The following RNF157 variants were observed in gnomAD, a reference collection of about 807,000 sequenced individuals.
RNF157 encodes E3 ubiquitin ligase RNF157.
A neutral mutation model predicts 88.3 loss-of-function variants in RNF157; 55 were observed. The ratio of observed to expected loss-of-function variants is 0.62; its 90% CI spans 0.50 to 0.78. The LOEUF (loss-of-function observed/expected upper bound fraction) is 0.78, where lower values mean the gene tolerates loss of function less well. Among genes scored for constraint, RNF157 ranks in the 30% least tolerant of loss-of-function variants. The pLI is 0.00. For missense variants in RNF157, 788 were observed against 860.8 expected (o/e 0.92, Z 1.06); for synonymous variants, 334 against 341.2 (o/e 0.98, Z 0.23).
At chr17:76,196,287 T>C (rs768129802) in intron 2 of RNF157, among the ~76,000 whole-genome samples, 8 of 152,200 alleles carry the variant, frequency 5.3e-5, no homozygotes, top group Non-Finnish European at 8.8e-5. Flanking sequence ...AAAGAGCAAA[T>C]TGAACACAGT....
rs1364739639 is a variant in RNF157 at position 76,158,418 on chromosome 17, C to A, written c.1388G>T (p.Arg463Ile). ...CSESETQLSQ[R>I]PSVQHLGEEC... ...CTCTCCGAGATGCTGAACCGACGGTCTCTGAGAGAGCTGTGTCTCCGACTC... is the reference window on the plus strand; with the variant it reads ...CTCTCCGAGATGCTGAACCGACGGTATCTGAGAGAGCTGTGTCTCCGACTC... The change falls in exon 13 of 19, where the codon AGA becomes ATA. Residue 463 changes from arginine to isoleucine, a missense_variant. Transcript: ENST00000269391. 6.2e-7 allele frequency: 1 copy of A among 1,613,432 alleles called. No homozygotes were observed. Among genetic ancestry groups the A allele is most frequent in the African/African-American group, 1.3e-5 (1 of 74,888 alleles).
At chr17:76,239,821 C>T (rs867811197) in intron 1 of RNF157, among the ~76,000 whole-genome samples, 2 of 152,118 alleles carry the variant, frequency 1.3e-5, no homozygotes, top group Middle Eastern at 3.2e-3. Context: ...GCCTACGACG[C>T]CGCAGCCCCG....
At position 76,176,723 on chromosome 17, in the gene RNF157, G is replaced by A. The variant is rs1015422236; in HGVS notation, c.208-2933C>T. Among the ~76,000 whole-genome samples the A allele has an allele frequency of 2.6e-5, 4 of 152,202 alleles. No homozygotes were observed. The highest frequency in any genetic ancestry group is 4.8e-5 in the African/African-American group (2 of 41,460). The stretch of plus-strand genomic sequence containing the variant: ...GAGCAGCGTGGCAGAAGAGCAGCGC[G>A]GTAGGGCAAAGAGGAGCCCCGAGGC... On this transcript the variant is annotated intron_variant, in intron 2 of 18. Coordinates refer to ENST00000269391, the MANE Select transcript of RNF157 (RefSeq NM_052916.3). This position sits in a 1 kb window ranked among gnomAD's most constrained non-coding sequence, Gnocchi z 4.2.
intron 7 of RNF157, 147 bp downstream of exon 7, chr17:76,165,355 T>G: frequency 2.7e-6 from 2 of 754,712 alleles, no homozygotes; most frequent in Non-Finnish European, 4.7e-6. Flanking sequence ...TGGTGCCATC[T>G]CAGCTCACTG....
intron 3 of RNF157, among the ~76,000 whole-genome samples, chr17:76,168,698 T>C (rs148396941): frequency 5.3e-5 from 8 of 152,238 alleles, no homozygotes; most frequent in Admixed American, 2.0e-4. Flanking sequence ...AGCTCATGTT[T>C]CCTGCACCTC....
At chr17:76,164,958 C>T (rs1331100850) in intron 7 of RNF157, among the ~76,000 whole-genome samples, 163 bp from the exon 8 acceptor site, 1 of 152,186 alleles carries the variant, frequency 6.6e-6, no homozygotes, top group African/African-American at 2.4e-5. Context: ...ATATTACATA[C>T]AATATTTTGA....
chr17:76,172,417 C>T (rs1453159572), intron 3 of RNF157, among the ~76,000 whole-genome samples: 1 of 151,874 alleles, frequency 6.6e-6, no homozygotes, highest in Admixed American at 6.6e-5. Flanking sequence ...CATGGAGAAA[C>T]TCTGTCTCTA....
At chr17:76,145,839 C>G (rs999607319) in intron 18 of RNF157, among the ~76,000 whole-genome samples, 5 of 152,116 alleles carry the variant, frequency 3.3e-5, no homozygotes, top group South Asian at 2.1e-4. Flanking sequence ...ACTGGCCACC[C>G]AGCAGGGTTC....
At chr17:76,193,557 G>A (rs1467464315) in intron 2 of RNF157, among the ~76,000 whole-genome samples, 1 of 150,650 alleles carries the variant, frequency 6.6e-6, no homozygotes, top group Non-Finnish European at 1.5e-5. Context: ...CCCACCCACG[G>A]ACACATACAA....
intron 2 of RNF157, chr17:76,175,888 T>C: frequency 1.6e-6 from 1 of 618,122 alleles, no homozygotes; most frequent in Non-Finnish European, 2.0e-6. Context: ...TTTGAATATA[T>C]TTGATGATAA....
intron 1 of RNF157, among the ~76,000 whole-genome samples, chr17:76,229,180 C>G (rs1476987283): frequency 3.3e-5 from 5 of 152,176 alleles, no homozygotes; most frequent in Non-Finnish European, 7.3e-5. Context: ...TGTGTCTCTT[C>G]TGCCTCTCAC....
At chr17:76,179,886 T>A (rs2069163574) in intron 2 of RNF157, among the ~76,000 whole-genome samples, 1 of 152,196 alleles carries the variant, frequency 6.6e-6, no homozygotes, top group Non-Finnish European at 1.5e-5. Context: ...TAGCAATCGT[T>A]TTCTCAGTTC....
chr17:76,236,903 T>C (rs1238231416), intron 1 of RNF157, among the ~76,000 whole-genome samples: 1 of 152,160 alleles, frequency 6.6e-6, no homozygotes, highest in African/African-American at 2.4e-5. Flanking sequence ...TATGCTTGCA[T>C]TTACACAAGA....
At chr17:76,165,609 T>C (rs1320834707) in intron 6 of RNF157, 64 bp from the exon 7 acceptor site, 1 of 1,565,862 alleles carries the variant, frequency 6.4e-7, no homozygotes, top group East Asian at 2.2e-5. Context: ...CCCATGACTT[T>C]CTCCAGTTCC....
intron 2 of RNF157, among the ~76,000 whole-genome samples, chr17:76,207,415 C>T (rs2069699310): frequency 6.6e-6 from 1 of 151,990 alleles, no homozygotes; most frequent in Non-Finnish European, 1.5e-5. Flanking sequence ...AGGGCAAGTC[C>T]CTATCTCTAG....
intron 1 of RNF157, chr17:76,226,346 A>C: frequency 6.3e-7 from 1 of 1,599,380 alleles, no homozygotes; most frequent in East Asian, 2.2e-5. Flanking sequence ...GAAGGGGGCA[A>C]CCTGGTCGGG....
intron 2 of RNF157, among the ~76,000 whole-genome samples, chr17:76,206,191 A>C (rs1020491640): frequency 5.3e-5 from 8 of 152,208 alleles, no homozygotes; most frequent in Admixed American, 4.6e-4. Flanking sequence ...TAGTTGTGCC[A>C]CTGTACCTCA....
At chr17:76,150,135 A>G (rs2068652317) in intron 18 of RNF157, among the ~76,000 whole-genome samples, 1 of 150,596 alleles carries the variant, frequency 6.6e-6, no homozygotes, top group Admixed American at 6.6e-5. Flanking sequence ...ATAGTCTCAC[A>G]CATATTTTTT....
At position 76,144,934 on chromosome 17, in the gene RNF157, GT is replaced by G. The variant is rs1371006804; in HGVS notation, c.*300del. On this transcript the variant is annotated 3_prime_UTR_variant, in exon 19 of 19. Transcript: ENST00000269391. Reference sequence around the variant, plus strand: ...TCTACCCCCTAAGGAGAAAAAAGATGTGTAAGAAATTAGCCCATGGACCCCA... The same window carrying G: ...TCTACCCCCTAAGGAGAAAAAAGATGGTAAGAAATTAGCCCATGGACCCCA... The G allele has an allele frequency of 3.3e-6, 1 of 299,268 alleles. No individual in the cohort carries two copies. The highest frequency in any genetic ancestry group is 2.2e-5 in the African/African-American group (1 of 46,424). The allele number at this position is 299,268 out of a possible 1,614,324, so 18.5% of individuals were successfully genotyped here.
Sources: gnomAD v4.1 joint callset for allele counts (sites outside exome capture counted in the v4.1 genomes callset) on GRCh38, gnomAD v4.1.1 for gene constraint, Gnocchi (gnomAD v3.1) non-coding constraint, MANE v1.5 for transcripts, NCBI Gene and HGNC (gene_info 2026-07-23, HGNC 2026-07-21) for gene names.